HERC3: variants seen among roughly 807,000 people sequenced by gnomAD.
HERC3 encodes the protein HECT and RLD domain containing E3 ubiquitin protein ligase 3.
Under a neutral mutation model 129.9 loss-of-function variants are expected in HERC3, and 58 were observed. The observed-to-expected ratio is 0.45, with a 90% CI of 0.36 to 0.56. The LOEUF is 0.56. Among genes scored for constraint, HERC3 ranks in the 20% least tolerant of loss-of-function variants. The pLI is 0.00. For missense variants in HERC3, 835 were observed against 1,244.2 expected (o/e 0.67, Z 4.95); for synonymous variants, 430 against 451.0 (o/e 0.95, Z 0.59).
chr4:88,558,724 G>T, the HERC3 span, among the ~76,000 whole-genome samples: 1 of 152,118 alleles, frequency 6.6e-6, no homozygotes, highest in Admixed American at 6.5e-5. Flanking sequence ...AGCACTTTGG[G>T]AGGCCGAGGC....
the HERC3 span, among the ~76,000 whole-genome samples, chr4:88,551,932 C>T: frequency 2.0e-5 from 3 of 152,118 alleles, no homozygotes; most frequent in Non-Finnish European, 4.4e-5. Context: ...GGCACATATA[C>T]ACCATGGAAT....
intron 25 of HERC3, among the ~76,000 whole-genome samples, chr4:88,704,863 C>CTTTCTTTTTTTTTTTT (rs1336673525): frequency 6.1e-4 from 80 of 130,652 alleles, no homozygotes; most frequent in African/African-American, 1.1e-3. Flanking sequence ...TTCTTTCTTT[C>CTTTCTTTTTTTTTTTT]TTTTTTTTTT....
intron 2 of HERC3, among the ~76,000 whole-genome samples, chr4:88,601,416 C>G (rs1722947879): frequency 6.6e-6 from 1 of 152,204 alleles, no homozygotes; most frequent in East Asian, 1.9e-4. Flanking sequence ...TTTGGGCATG[C>G]TTTTATCTTG....
the HERC3 span, among the ~76,000 whole-genome samples, chr4:88,542,827 C>T: frequency 5.3e-5 from 8 of 152,046 alleles, no homozygotes; most frequent in South Asian, 2.1e-4. Flanking sequence ...ACAGAACAAA[C>T]GACAGAAACC....
At chr4:88,584,800 A>T in the HERC3 span, among the ~76,000 whole-genome samples, 1 of 152,180 alleles carries the variant, frequency 6.6e-6, no homozygotes, top group African/African-American at 2.4e-5. Flanking sequence ...AAATTACCCC[A>T]TCTGTGGTAT....
intron 16 of HERC3, among the ~76,000 whole-genome samples, chr4:88,672,210 C>G (rs968062868): frequency 6.6e-6 from 1 of 152,082 alleles, no homozygotes; most frequent in Admixed American, 6.5e-5. Context: ...AGAAGTTGCT[C>G]ATGTTAAAAT....
At position 88,604,058 on chromosome 4, in the gene HERC3, T is replaced by G. The variant is rs149140951; in HGVS notation, c.-29-1737T>G. Among the ~76,000 whole-genome samples, 754 of 152,312 alleles carry G rather than the reference T, an allele frequency of 5.0e-3. 10 individuals carry two copies. The highest frequency in any genetic ancestry group is 0.017 in the African/African-American group (686 of 41,568). On this transcript the variant is annotated intron_variant, in intron 2 of 25. Transcript: ENST00000402738. ...TTTTTGATACTGAATTTTGCTCTTA[T>G]TGCCCAAGCTGGAGTGCAATGGCGT...
At chr4:88,700,763 A>T (rs984072601) in intron 23 of HERC3, among the ~76,000 whole-genome samples, 2 of 152,206 alleles carry the variant, frequency 1.3e-5, no homozygotes, top group African/African-American at 2.4e-5. Context: ...GGGGGCTGTC[A>T]AACCCGAAAT....
chr4:88,571,768 T>C, the HERC3 span, among the ~76,000 whole-genome samples: 1 of 152,184 alleles, frequency 6.6e-6, no homozygotes, highest in African/African-American at 2.4e-5. Context: ...CCAGTTTGAA[T>C]ATTGTTTATA....
rs746423091 is a variant in HERC3 at position 88,650,013 on chromosome 4, C to T, written c.386+14C>T. On this transcript the variant is annotated intron_variant, in intron 4 of 25. Coordinates refer to ENST00000402738, the MANE Select transcript of HERC3 (RefSeq NM_014606.3). ...GGCAGTGCCCAGGTAAGAAGGTTTT[C>T]AAATGTCAGTCGTTTTAAATGCTAT... is the stretch of plus-strand genomic sequence containing the variant. 6.2e-7 allele frequency: 1 copy of T among 1,602,272 alleles called. No homozygotes were observed. Among genetic ancestry groups the T allele is most frequent in the Admixed American group, 1.7e-5 (1 of 58,926 alleles).
At chr4:88,638,436 C>T (rs952588478) in intron 3 of HERC3, among the ~76,000 whole-genome samples, 4 of 152,194 alleles carry the variant, frequency 2.6e-5, no homozygotes, top group African/African-American at 9.6e-5. Context: ...GCTGGTTCAC[C>T]ATATGCAAAT....
intron 3 of HERC3, among the ~76,000 whole-genome samples, chr4:88,608,707 G>A (rs1206088346): frequency 6.6e-6 from 1 of 152,166 alleles, no homozygotes; most frequent in Non-Finnish European, 1.5e-5. Context: ...AAACTCACTT[G>A]TGTCTCACAT....
upstream of HERC3, chr4:88,592,368 T>A (rs1721772193): frequency 1.3e-5 from 2 of 152,350 alleles, no homozygotes; most frequent in Non-Finnish European, 2.9e-5. Flanking sequence ...CTCCAGCCCG[T>A]GCCACGGCGG....
chr4:88,530,378 A>G, the HERC3 span, among the ~76,000 whole-genome samples: 1 of 152,148 alleles, frequency 6.6e-6, no homozygotes, highest in Admixed American at 6.5e-5. Context: ...TAAATAGAAA[A>G]TTCAGGTTTA....
At chr4:88,544,668 C>G in the HERC3 span, among the ~76,000 whole-genome samples, 8 of 152,122 alleles carry the variant, frequency 5.3e-5, no homozygotes, top group African/African-American at 1.9e-4. Flanking sequence ...TGGAACCAAC[C>G]CAATTGTCCA....
the HERC3 span, among the ~76,000 whole-genome samples, chr4:88,578,314 G>T: frequency 6.6e-6 from 1 of 152,212 alleles, no homozygotes; most frequent in African/African-American, 2.4e-5. Flanking sequence ...GAGCATGGTT[G>T]CTCATGCCTT....
At chr4:88,616,598 G>T (rs183855798) in intron 3 of HERC3, among the ~76,000 whole-genome samples, 2 of 152,204 alleles carry the variant, frequency 1.3e-5, no homozygotes, top group African/African-American at 4.8e-5. Context: ...GAATGCAAGT[G>T]ATTTTCCTTT....
At chr4:88,681,894 C>T (rs1377118022) in intron 21 of HERC3, among the ~76,000 whole-genome samples, 1 of 152,162 alleles carries the variant, frequency 6.6e-6, no homozygotes, top group Non-Finnish European at 1.5e-5. Context: ...ACTGATCTAT[C>T]AAATACTAGG....
the HERC3 span, among the ~76,000 whole-genome samples, chr4:88,578,274 A>G: frequency 5.6e-4 from 85 of 152,314 alleles, 1 homozygote; most frequent in South Asian, 0.017. Context: ...TGTATATGGC[A>G]TAATGTATAA....
Sources: gnomAD v4.1 joint callset for allele counts (sites outside exome capture counted in the v4.1 genomes callset) on GRCh38, gnomAD v4.1.1 for gene constraint, MANE v1.5 for transcripts, NCBI Gene and HGNC (gene_info 2026-07-23, HGNC 2026-07-21) for gene names.